SYTL5: variants seen among roughly 807,000 people sequenced by gnomAD.
SYTL5 encodes synaptotagmin-like protein 5.
SYTL5 carries 34 observed loss-of-function variants against 55.9 expected under a neutral mutation model. The ratio of observed to expected loss-of-function variants is 0.61; its 90% CI spans 0.46 to 0.81. The LOEUF is 0.81. Among genes scored for constraint, SYTL5 ranks in the 30% least tolerant of loss-of-function variants. SYTL5 has a pLI of 0.00. For missense variants in SYTL5, 637 were observed against 546.7 expected, an observed-to-expected ratio of 1.17 and a Z score of -1.65; for synonymous variants, 221 against 188.7, an observed-to-expected ratio of 1.17 and a Z score of -1.40.
chrX:37,988,315 G>A, the SYTL5 span, among the ~76,000 whole-genome samples: 1 of 111,739 alleles, frequency 8.9e-6, no homozygotes, highest in Non-Finnish European at 1.9e-5. Flanking sequence ...AGGGAGTATG[G>A]CAATGTTGAC....
chrX:37,990,941 C>T, the SYTL5 span: 93 of 1,210,109 alleles, frequency 7.7e-5, 1 homozygote, highest in African/African-American at 1.3e-3. Flanking sequence ...TCGTGGACCG[C>T]GTTGTGCAAG....
Position 38,018,989 on chromosome X carries a change from A to C in SYTL5, c.-357+12321A>C, listed in dbSNP as rs967958328. Reference sequence around the variant, plus strand: ...TCACTGAGTGCTGGTCTTTCAAAAAACAAATAAAAAATTCAAATATGATTG... The same window carrying C: ...TCACTGAGTGCTGGTCTTTCAAAAACCAAATAAAAAATTCAAATATGATTG... On this transcript the variant is annotated intron_variant, in intron 1 of 16. Transcript: ENST00000297875. Among the ~76,000 whole-genome samples the C allele has an allele frequency of 5.4e-5, 6 of 112,146 alleles. No homozygotes were observed. The Admixed American group carries it at 5.7e-4, about 11-fold the overall frequency.
chrX:38,094,319 G>T lies in SYTL5; in HGVS notation c.856G>T (p.Asp286Tyr). 4.2e-6 allele frequency: 5 copies of T among 1,200,630 alleles called. No homozygotes were observed. The highest frequency in any genetic ancestry group is 5.6e-6 in the Non-Finnish European group (5 of 888,198). ...GGAGTATGGTTTTGAAAATTCCATG[G>T]ATTTGGCTGCTATTGAAGGTACCTC... ...SREYGFENSMDLAAIEGTSQE... is the reference protein window; with the variant it reads ...SREYGFENSMYLAAIEGTSQE... Residue 286 changes from aspartate to tyrosine, a missense_variant, in exon 8 of 17, where the codon GAT (aspartate) becomes TAT (tyrosine). Physicochemically the swap from Asp to Tyr is radical, Grantham distance 160 (BLOSUM62 -3). Transcript: ENST00000297875.
chrX:37,999,774 AG>A, the SYTL5 span, among the ~76,000 whole-genome samples: 71 of 111,807 alleles, frequency 6.4e-4, no homozygotes, highest in African/African-American at 2.3e-3. Flanking sequence ...AATGGGTAAA[AG>A]GGGACCAGAC....
the SYTL5 span, chrX:37,946,128 C>T: frequency 0.032 from 3,742 of 115,758 alleles, 143 homozygotes; most frequent in African/African-American, 0.11. Context: ...AAAAGAATAA[C>T]ATTGAAAAAT....
intron 3 of SYTL5, among the ~76,000 whole-genome samples, chrX:38,062,535 G>A (rs1298925179): frequency 1.8e-5 from 2 of 111,584 alleles, no homozygotes; most frequent in Non-Finnish European, 3.8e-5. Context: ...TACACAGAGT[G>A]CAGAAGACGA....
At chrX:38,099,126 A>G (rs770832732) in intron 9 of SYTL5, among the ~76,000 whole-genome samples, 1 of 111,198 alleles carries the variant, frequency 9.0e-6, no homozygotes, top group South Asian at 3.8e-4. Flanking sequence ...CATGCATACA[A>G]TAGGTAAATT....
chrX:38,040,954 T>C (rs1404581587), intron 2 of SYTL5, among the ~76,000 whole-genome samples: 1 of 112,178 alleles, frequency 8.9e-6, no homozygotes, highest in Non-Finnish European at 1.9e-5. Context: ...GAAAGTTCCT[T>C]TTCCTCTGCA....
At chrX:38,055,206 C>T (rs1478153258) in intron 3 of SYTL5, among the ~76,000 whole-genome samples, 1 of 111,685 alleles carries the variant, frequency 9.0e-6, no homozygotes, top group East Asian at 2.8e-4. Flanking sequence ...TGGAGTACTT[C>T]CCGAATTTCC....
At chrX:38,031,463 G>C (rs1934950629) in intron 1 of SYTL5, among the ~76,000 whole-genome samples, 2 of 111,832 alleles carry the variant, frequency 1.8e-5, no homozygotes, top group Non-Finnish European at 3.8e-5. Context: ...GATTTTTAGA[G>C]AGAAGATTTG....
At chrX:38,083,815 C>T (rs937693280) in intron 6 of SYTL5, among the ~76,000 whole-genome samples, 6 of 88,068 alleles carry the variant, frequency 6.8e-5, no homozygotes, top group East Asian at 3.1e-4. Flanking sequence ...TGTGTTTGTG[C>T]GCATAGGCAC....
rs1001493416 is a variant in SYTL5 at position 38,087,761 on chromosome X, T to G, written c.690-1685T>G. Among the ~76,000 whole-genome samples the G allele has an allele frequency of 2.7e-5, 3 of 111,672 alleles. No homozygotes were observed. The Admixed American group carries it at 2.9e-4, about 11-fold the overall frequency. ...AAATGCAAAACCTGCCTGGCTGGAATGATTTGTTCTTAGTGAAATGATGAG... is the reference window on the plus strand; with the variant it reads ...AAATGCAAAACCTGCCTGGCTGGAAGGATTTGTTCTTAGTGAAATGATGAG... On this transcript the variant is annotated intron_variant, in intron 6 of 16. Coordinates refer to ENST00000297875, the MANE Select transcript of SYTL5 (RefSeq NM_138780.3).
At chrX:38,014,929 C>G (rs1204130434) in intron 1 of SYTL5, among the ~76,000 whole-genome samples, 1 of 111,927 alleles carries the variant, frequency 8.9e-6, no homozygotes, top group African/African-American at 3.2e-5. Flanking sequence ...GCTTTTTTAT[C>G]TTTGTAGGTA....
chrX:37,983,282 A>G, the SYTL5 span, among the ~76,000 whole-genome samples: 1 of 112,302 alleles, frequency 8.9e-6, no homozygotes, highest in Non-Finnish European at 1.9e-5. Flanking sequence ...TGTGTTGTCT[A>G]TAGAAAACAT....
intron 1 of SYTL5, among the ~76,000 whole-genome samples, chrX:38,014,774 C>G (rs1934297058): frequency 8.9e-6 from 1 of 111,886 alleles, no homozygotes; most frequent in African/African-American, 3.3e-5. Flanking sequence ...TCACTTATGC[C>G]TTAGTCTGGC....
At chrX:37,995,131 C>G in the SYTL5 span, among the ~76,000 whole-genome samples, 1 of 110,327 alleles carries the variant, frequency 9.1e-6, no homozygotes, top group Non-Finnish European at 1.9e-5. Context: ...TCCTCATTGT[C>G]TCTGAACAGG....
the SYTL5 span, among the ~76,000 whole-genome samples, chrX:37,960,730 G>A: frequency 9.3e-6 from 1 of 107,835 alleles, no homozygotes; most frequent in Non-Finnish European, 1.9e-5. Flanking sequence ...TGGCAATGCA[G>A]GTATTTTTTT....
At chrX:37,944,200 T>C in the SYTL5 span, among the ~76,000 whole-genome samples, 1 of 110,692 alleles carries the variant, frequency 9.0e-6, no homozygotes, top group Non-Finnish European at 1.9e-5. Flanking sequence ...TATAACCAAA[T>C]CTTCTTACTC....
At chrX:37,994,751 GAGGAGGAGGAGGAGAAGA>G in the SYTL5 span, 1 of 109,715 alleles carries the variant, frequency 9.1e-6, no homozygotes, top group East Asian at 2.9e-4. Flanking sequence ...TGGGGGGAAG[GAGGAGGAGGAGGAGAAGA>G]AGGAGGAGGA....
Sources: gnomAD v4.1 joint callset for allele counts (sites outside exome capture counted in the v4.1 genomes callset) on GRCh38, gnomAD v4.1.1 for gene constraint, MANE v1.5 for transcripts, NCBI Gene and HGNC (gene_info 2026-07-23, HGNC 2026-07-21) for gene names.